Variants in GALNT2 observed in about 807,000 individuals in gnomAD.
The protein encoded by GALNT2 is polypeptide N-acetylgalactosaminyltransferase 2, also known as UDP-GalNAc:polypeptide N-acetylgalactosaminyltransferase 2.
A neutral mutation model predicts 81.4 loss-of-function variants in GALNT2; 31 were observed. The observed-to-expected ratio is 0.38, with a 90% confidence interval of 0.29 to 0.51. The LOEUF (loss-of-function observed/expected upper bound fraction) is 0.51. GALNT2 is among the 20% of genes least tolerant of loss of function. The pLI, the probability that GALNT2 is intolerant of heterozygous loss-of-function variation, is 0.87. For synonymous variants in GALNT2, 303 were observed against 287.4 expected, an observed-to-expected ratio of 1.05 and a Z score of -0.55; for missense variants, 629 against 765.7, an observed-to-expected ratio of 0.82 and a Z score of 2.11.
At chr1:230,107,656 G>T (rs1463273066) in intron 1 of GALNT2, among the ~76,000 whole-genome samples, 3 of 148,954 alleles carry the variant, frequency 2.0e-5, no homozygotes, top group Non-Finnish European at 4.5e-5. Context: ...TTGGTTGGTT[G>T]GTTTAAGCCA....
chr1:230,108,287 C>A (rs1571970618), intron 1 of GALNT2, among the ~76,000 whole-genome samples: 1 of 152,234 alleles, frequency 6.6e-6, no homozygotes, highest in Non-Finnish European at 1.5e-5. Flanking sequence ...AGATGATACA[C>A]TTAGTCCCTG....
intron 3 of GALNT2, among the ~76,000 whole-genome samples, chr1:230,228,984 A>G (rs905583645): frequency 2.0e-5 from 3 of 152,244 alleles, no homozygotes; most frequent in African/African-American, 7.2e-5. Context: ...TGAAGGATAT[A>G]TAACCTGTTA....
At position 230,250,473 on chromosome 1, in the gene GALNT2, G is replaced by T; in HGVS notation, c.922G>T (p.Gly308Cys). The T allele has an allele frequency of 6.2e-7, 1 of 1,613,888 alleles. No individual in the cohort carries two copies. Among genetic ancestry groups the T allele is most frequent in the Non-Finnish European group, 8.5e-7 (1 of 1,179,848 alleles). Residue 308 changes from glycine (G) to cysteine (C), a missense_variant, in exon 10 of 16, where the codon GGT becomes TGT. Coordinates refer to ENST00000366672, the MANE Select transcript of GALNT2 (RefSeq NM_004481.5). ...CCTCTTTAGAACCCCCATGATTGCTGGTGGGCTGTTTGTGATGGATAAGTT... is the reference window on the plus strand; with the variant it reads ...CCTCTTTAGAACCCCCATGATTGCTTGTGGGCTGTTTGTGATGGATAAGTT... The part of the protein sequence containing the change: ...VAPIKTPMIA[G>C]GLFVMDKFYF...
chr1:230,062,935 A>G (rs1468338647), upstream of GALNT2, among the ~76,000 whole-genome samples: 1 of 152,220 alleles, frequency 6.6e-6, no homozygotes, highest in African/African-American at 2.4e-5. Context: ...GAACCACTAT[A>G]CCATTTTCAA....
rs1553257662 is a variant in GALNT2 at position 230,115,023 on chromosome 1, T to TTTTA, written c.126+47617_126+47618insTTTA. Among the ~76,000 whole-genome samples, 263 of 150,772 alleles carry TTTTA rather than the reference T, an allele frequency of 1.7e-3. 2 individuals are homozygous for TTTTA. Among genetic ancestry groups the TTTTA allele is most frequent in the African/African-American group, 6.2e-3 (253 of 40,912 alleles). The stretch of plus-strand genomic sequence containing the variant: ...GGTTCACTCTTTTTTTTTTTTTTTT[T>TTTTA]AAGATGGAGTCTCACTCTGTCACCC... On this transcript the variant is annotated intron_variant, in intron 1 of 15. Coordinates refer to ENST00000366672, the MANE Select transcript of GALNT2 (RefSeq NM_004481.5).
chr1:230,169,999 G>A lies in GALNT2; in HGVS notation c.127-8219G>A, dbSNP rs78152310. ...AGCTTCTAGAAAAACCCCCAAGGCT[G>A]GGTCCCATTCCCTAAAGTTGTAATT... On this transcript the variant is annotated intron_variant, in intron 1 of 15. Coordinates refer to ENST00000366672, the MANE Select transcript of GALNT2 (RefSeq NM_004481.5). Among the ~76,000 whole-genome samples the A allele has an allele frequency of 8.5e-3, 1,297 of 152,314 alleles. 21 individuals are homozygous for A. The highest frequency in any genetic ancestry group is 0.03 in the African/African-American group (1,244 of 41,562).
intron 1 of GALNT2, among the ~76,000 whole-genome samples, chr1:230,087,852 A>G (rs1427349541): frequency 6.6e-6 from 1 of 152,234 alleles, no homozygotes; most frequent in African/African-American, 2.4e-5. Flanking sequence ...GCATATAATG[A>G]AATGCCTACT....
intron 3 of GALNT2, among the ~76,000 whole-genome samples, chr1:230,215,497 T>A (rs951282450): frequency 6.6e-6 from 1 of 152,220 alleles, no homozygotes; most frequent in Non-Finnish European, 1.5e-5. Context: ...AGTGAGTAGG[T>A]TGGTCTACAG....
chr1:230,098,173 C>T (rs557330242), intron 1 of GALNT2, among the ~76,000 whole-genome samples: 2 of 152,184 alleles, frequency 1.3e-5, no homozygotes, highest in African/African-American at 4.8e-5. Flanking sequence ...TGAAGACATA[C>T]TTAAATAACA....
At chr1:230,180,000 A>G (rs1236781471) in intron 2 of GALNT2, among the ~76,000 whole-genome samples, 1 of 151,998 alleles carries the variant, frequency 6.6e-6, no homozygotes, top group African/African-American at 2.4e-5. Flanking sequence ...GCTCATTGCA[A>G]CCTCCACCTC....
chr1:230,276,289 A>G (rs764692832), intron 15 of GALNT2, among the ~76,000 whole-genome samples: 2 of 152,050 alleles, frequency 1.3e-5, no homozygotes, highest in African/African-American at 2.4e-5. Context: ...CCCTTTCTCA[A>G]GGCATGGGGT....
chr1:230,213,810 T>C (rs559550851), intron 3 of GALNT2, among the ~76,000 whole-genome samples: 1 of 152,350 alleles, frequency 6.6e-6, no homozygotes, highest in Admixed American at 6.5e-5. Context: ...ATTTTATTAC[T>C]TCTTAGACAA....
chr1:230,250,629 G>GA (rs1415214590), intron 10 of GALNT2, 69 bp downstream of exon 10: 36 of 1,212,328 alleles, frequency 3.0e-5, no homozygotes, highest in East Asian at 4.7e-5. Context: ...GTGCCAATTG[G>GA]AAAAAAAATT....
intron 1 of GALNT2, among the ~76,000 whole-genome samples, chr1:230,103,982 A>G (rs1571965469): frequency 6.6e-6 from 1 of 152,176 alleles, no homozygotes; most frequent in African/African-American, 2.4e-5. Context: ...AGGGTGTAAG[A>G]TCTTAACCCC....
At chr1:230,188,540 T>C (rs1224901173) in intron 2 of GALNT2, among the ~76,000 whole-genome samples, 2 of 152,264 alleles carry the variant, frequency 1.3e-5, no homozygotes, top group East Asian at 3.8e-4. Context: ...GCTCTAAAAC[T>C]CTTTGATTCT....
chr1:230,228,119 A>C, intron 3 of GALNT2, among the ~76,000 whole-genome samples: 1 of 152,218 alleles, frequency 6.6e-6, no homozygotes, highest in East Asian at 1.9e-4. Context: ...ACTGTCAGAT[A>C]TGGAGGAATA....
At chr1:230,122,636 G>A (rs1407698096) in intron 1 of GALNT2, among the ~76,000 whole-genome samples, 1 of 151,604 alleles carries the variant, frequency 6.6e-6, no homozygotes, top group East Asian at 1.9e-4. Context: ...GTGTGTGCAT[G>A]TACATACGTG....
chr1:230,067,485 C>G (rs1431648351), intron 1 of GALNT2, 79 bp downstream of exon 1: 1 of 469,162 alleles, frequency 2.1e-6, no homozygotes, highest in Non-Finnish European at 3.1e-6. Context: ...CCTCTCCGCG[C>G]CGCCCCTGCG....
At position 230,250,469 on chromosome 1, in the gene GALNT2, T is replaced by G; in HGVS notation, c.918T>G (p.Ile306Met). ...TCTGCCTCTTTAGAACCCCCATGAT[T>G]GCTGGTGGGCTGTTTGTGATGGATA... ...NPVAPIKTPMIAGGLFVMDKF... is the reference protein window; with the variant it reads ...NPVAPIKTPMMAGGLFVMDKF... The change falls in exon 10 of 16, where the codon ATT (isoleucine) becomes ATG (methionine). Residue 306 changes from isoleucine to methionine, a missense_variant. By Grantham distance (10) the Ile-to-Met change is conservative (BLOSUM62 1). Transcript: ENST00000366672. 1 of 1,613,918 alleles carries G rather than the reference T, an allele frequency of 6.2e-7. No homozygotes were observed. Among genetic ancestry groups the G allele is most frequent in the Non-Finnish European group, 8.5e-7 (1 of 1,179,868 alleles).
Sources: gnomAD v4.1 joint callset for allele counts (sites outside exome capture counted in the v4.1 genomes callset) on GRCh38, gnomAD v4.1.1 for gene constraint, MANE v1.5 for transcripts, NCBI Gene and HGNC (gene_info 2026-07-23, HGNC 2026-07-21) for gene names.